Variants in UBR3 observed in about 807,000 individuals in gnomAD.
UBR3 encodes ubiquitin protein ligase E3 component n-recognin 3, also known as E3 ubiquitin-protein ligase UBR3.
A neutral mutation model predicts 243.2 loss-of-function variants in UBR3; 85 were observed. The ratio of observed to expected loss-of-function variants is 0.35; its 90% CI spans 0.29 to 0.42. UBR3 has a LOEUF of 0.42. Among genes scored for constraint, UBR3 ranks in the 10% least tolerant of loss-of-function variants. UBR3 has a pLI of 1.00. For synonymous variants in UBR3, 748 were observed against 799.8 expected, an observed-to-expected ratio of 0.94 and a Z score of 1.09; for missense variants, 1,686 against 2,300.8, an observed-to-expected ratio of 0.73 and a Z score of 5.47.
chr2:169,982,838 T>A (rs1243213096), intron 24 of UBR3, among the ~76,000 whole-genome samples: 2 of 152,208 alleles, frequency 1.3e-5, no homozygotes, highest in African/African-American at 4.8e-5. Context: ...AACCCCTAGT[T>A]AGTTTTCATC....
At chr2:169,856,075 C>T (rs879478284) in intron 1 of UBR3, among the ~76,000 whole-genome samples, 8 of 151,734 alleles carry the variant, frequency 5.3e-5, no homozygotes, top group East Asian at 2.0e-4. Context: ...ACTTCCCAGA[C>T]GGGGCGGCTG....
At position 170,016,659 on chromosome 2, in the gene UBR3, T is replaced by C. The variant is rs1459332469; in HGVS notation, c.4453+1293T>C. Among the ~76,000 whole-genome samples the C allele has an allele frequency of 2.0e-5, 3 of 151,930 alleles. No homozygotes were observed. The East Asian group carries it at 5.8e-4, about 29-fold the overall frequency. On this transcript the variant is annotated intron_variant, in intron 30 of 38. Transcript: ENST00000272793. ...CAAAGTGTTTACTTTAGCGAAGGGTTTTCTGTTTTTAAAAATCTACTTATT... is the reference window on the plus strand; with the variant it reads ...CAAAGTGTTTACTTTAGCGAAGGGTCTTCTGTTTTTAAAAATCTACTTATT...
chr2:170,004,800 A>G lies in UBR3; in HGVS notation c.4030-2190A>G, dbSNP rs1233184577. Among the ~76,000 whole-genome samples the G allele has an allele frequency of 1.1e-4, 16 of 152,170 alleles. No homozygotes were observed. In the East Asian group the frequency reaches 2.9e-3, roughly 28 times the overall value. ...GTGGCGAGTGCCTGTAATCCCACCTACTCGGGAGGCTGAGGCAGGAGAATT... is the reference window on the plus strand; with the variant it reads ...GTGGCGAGTGCCTGTAATCCCACCTGCTCGGGAGGCTGAGGCAGGAGAATT... On this transcript the variant is annotated intron_variant, in intron 27 of 38. Coordinates refer to ENST00000272793, the MANE Select transcript of UBR3 (RefSeq NM_172070.4).
In UBR3 at chr2:169,838,320, C is replaced by T. The variant is rs371521973; in HGVS notation, c.545+10268C>T. Among the ~76,000 whole-genome samples, 8 of 151,486 alleles carry T rather than the reference C, an allele frequency of 5.3e-5. No individual in the cohort carries two copies. The East Asian group carries it at 9.7e-4, about 18-fold the overall frequency. ...CTGTTTGTGCTGCTGTTACATCAGACGGAGTAATTTAGAACAGAAATTTAT... is the reference window on the plus strand; with the variant it reads ...CTGTTTGTGCTGCTGTTACATCAGATGGAGTAATTTAGAACAGAAATTTAT... On this transcript the variant is annotated intron_variant, in intron 1 of 38. Transcript: ENST00000272793.
chr2:170,021,921 C>T (rs1307130172), intron 30 of UBR3, among the ~76,000 whole-genome samples: 1 of 152,112 alleles, frequency 6.6e-6, no homozygotes, highest in Non-Finnish European at 1.5e-5. Context: ...TTTTCACTAT[C>T]AGGACATAGG....
intron 19 of UBR3, among the ~76,000 whole-genome samples, chr2:169,934,352 T>G (rs936916654): frequency 1.3e-5 from 2 of 152,222 alleles, no homozygotes; most frequent in African/African-American, 2.4e-5. Flanking sequence ...TATTCTCTTT[T>G]ACTTTGTAGT....
intron 32 of UBR3, among the ~76,000 whole-genome samples, chr2:170,055,256 A>C (rs947770130): frequency 4.6e-5 from 7 of 152,194 alleles, no homozygotes; most frequent in African/African-American, 1.7e-4. Flanking sequence ...AGGCTTCAGT[A>C]AACTGTGATC....
At chr2:169,902,729 C>T (rs891174065) in intron 8 of UBR3, among the ~76,000 whole-genome samples, 1 of 152,064 alleles carries the variant, frequency 6.6e-6, no homozygotes, top group Admixed American at 6.5e-5. Context: ...CCTGCCTCAG[C>T]CTCCTGAGTA....
intron 35 of UBR3, among the ~76,000 whole-genome samples, chr2:170,062,683 A>T (rs1225711168): frequency 1.3e-5 from 2 of 152,182 alleles, no homozygotes; most frequent in Non-Finnish European, 2.9e-5. Context: ...CTTTTTTCAC[A>T]TTTAAAGGCC....
At chr2:169,881,886 T>G (rs1166894585) in intron 5 of UBR3, among the ~76,000 whole-genome samples, 91 of 128,406 alleles carry the variant, frequency 7.1e-4, no homozygotes, top group South Asian at 1.8e-3. Context: ...TAGGTATATG[T>G]GTACATGTAT....
At chr2:169,903,097 G>A (rs966929813) in intron 8 of UBR3, among the ~76,000 whole-genome samples, 1 of 152,142 alleles carries the variant, frequency 6.6e-6, no homozygotes, top group Non-Finnish European at 1.5e-5. Context: ...CTTAGTAGGT[G>A]CTCAATAAAT....
intron 8 of UBR3, among the ~76,000 whole-genome samples, 179 bp downstream of exon 8, chr2:169,896,914 TATAAA>T (rs2105328259): frequency 6.6e-6 from 1 of 152,246 alleles, no homozygotes; most frequent in South Asian, 2.1e-4. Context: ...TTAAAAAAAT[TATAAA>T]ATAATACATG....
chr2:169,978,835 C>G (rs1366731581), intron 24 of UBR3, among the ~76,000 whole-genome samples: 1 of 152,056 alleles, frequency 6.6e-6, no homozygotes, highest in Non-Finnish European at 1.5e-5. Flanking sequence ...GTTGTTTGAC[C>G]TGTATGGAGG....
intron 32 of UBR3, among the ~76,000 whole-genome samples, chr2:170,044,841 G>C (rs548465603): frequency 7.2e-5 from 11 of 152,170 alleles, no homozygotes; most frequent in African/African-American, 2.7e-4. Context: ...AGCAGGATGA[G>C]AGTTAAGAGA....
At chr2:169,855,979 C>T (rs1442265290) in intron 1 of UBR3, among the ~76,000 whole-genome samples, 2 of 151,218 alleles carry the variant, frequency 1.3e-5, no homozygotes, top group East Asian at 3.9e-4. Context: ...GCGGGGGCTG[C>T]CCCCCACCTC....
intron 26 of UBR3, among the ~76,000 whole-genome samples, chr2:169,997,266 G>T (rs76631818): frequency 1.3e-5 from 2 of 152,156 alleles, no homozygotes; most frequent in Non-Finnish European, 2.9e-5. Flanking sequence ...ACCCAGGCTG[G>T]CTGGCAGGCT....
chr2:169,985,488 C>T lies in UBR3; in HGVS notation c.3635-1157C>T, dbSNP rs141399468. Among the ~76,000 whole-genome samples, 489 of 152,214 alleles carry T rather than the reference C, an allele frequency of 3.2e-3. 2 individuals carry two copies. The highest frequency in any genetic ancestry group is 0.011 in the African/African-American group (457 of 41,544). ...TCAGGTGATCCGCCCGCCTCAGCCT[C>T]CCAAAGTGCTGGGATTATAGGCATG... On this transcript the variant is annotated intron_variant, in intron 24 of 38. Coordinates refer to ENST00000272793, the MANE Select transcript of UBR3 (RefSeq NM_172070.4).
At chr2:169,925,581 T>G (rs756298331) in intron 13 of UBR3, 38 bp from the exon 14 acceptor site, 1 of 1,507,206 alleles carries the variant, frequency 6.6e-7, no homozygotes, top group South Asian at 1.3e-5. Flanking sequence ...AAGATTGCAT[T>G]TAGATAATTT....
chr2:169,940,123 T>G (rs1359048168), intron 19 of UBR3, among the ~76,000 whole-genome samples: 1 of 152,196 alleles, frequency 6.6e-6, no homozygotes, highest in African/African-American at 2.4e-5. Flanking sequence ...AATTGGGATA[T>G]TCATCACCTC....
Sources: allele counts gnomAD v4.1 joint callset (sites outside exome capture counted in the v4.1 genomes callset), GRCh38; gene constraint gnomAD v4.1.1; transcripts MANE v1.5; gene names NCBI Gene and HGNC (gene_info 2026-07-23, HGNC 2026-07-21).